Variants in NOXA1 observed in about 807,000 individuals in gnomAD.
NOXA1 encodes NADPH oxidase activator 1.
Under a neutral mutation model 64.8 loss-of-function variants are expected in NOXA1, and 56 were observed. That is an observed-to-expected ratio of 0.86 (90% confidence interval 0.70 to 1.08). The LOEUF is 1.08. Ranked by LOEUF, NOXA1 falls within the 50% of genes least tolerant of loss-of-function variation. NOXA1 has a pLI of 0.00. For synonymous variants in NOXA1, 295 were observed against 294.8 expected (o/e 1.00, Z -0.01); for missense variants, 668 against 658.5 (o/e 1.01, Z -0.16).
Position 137,433,788 on chromosome 9 carries a change from TC to T in NOXA1, c.1107del (p.Glu370ArgfsTer?), listed in dbSNP as rs1303790715. On this transcript the variant is annotated frameshift_variant, in exon 12 of 14. Coordinates refer to ENST00000683555, the MANE Select transcript of NOXA1 (RefSeq NM_001256067.2). LOFTEE classifies it high-confidence loss of function. ...APGEDGHWVP[I>X]PEEESLQRAW... ...GGTGAGGACGGGCACTGGGTCCCCA[TC>T]CCCGAGGAGGAGTCGCTGCAGAGGG... 4 of 1,454,128 alleles carry T rather than the reference TC, an allele frequency of 2.8e-6. No individual in the cohort carries two copies. In the African/African-American group the frequency reaches 4.3e-5, roughly 16 times the overall value. The allele number at this position is 1,454,128 out of a possible 1,614,324, so 90.1% of individuals were successfully genotyped here. A position where few individuals can be genotyped will look rare whatever the true frequency, so the allele number is the denominator to read the frequency against.
chr9:137,424,687 C>T (rs1050721666), intron 1 of NOXA1, among the ~76,000 whole-genome samples: 26 of 152,192 alleles, frequency 1.7e-4, no homozygotes, highest in African/African-American at 6.0e-4. Context: ...ATCCACCCTC[C>T]TCGGCCACCC....
rs1838847378 is a variant in NOXA1 at position 137,426,339 on chromosome 9, A to G, written c.260+9A>G. The G allele has an allele frequency of 6.2e-7, 1 of 1,612,906 alleles. No individual in the cohort carries two copies. Among genetic ancestry groups the G allele is most frequent in the Non-Finnish European group, 8.5e-7 (1 of 1,179,262 alleles). On this transcript the variant is annotated intron_variant, in intron 2 of 13. Transcript: ENST00000683555. Reference sequence around the variant, plus strand: ...AACTTCCAGCTGGCAAGGTGAGTACAGGGGTGCCTTGTTCCTTCTCTGACG... The same window carrying G: ...AACTTCCAGCTGGCAAGGTGAGTACGGGGGTGCCTTGTTCCTTCTCTGACG...
rs902217949 is a variant in NOXA1, at chr9:137,433,846, G to A, written c.1161G>A (p.Gly387=). Residue 387 remains glycine, a synonymous_variant, in exon 12 of 14, where the codon GGG becomes GGA. Coordinates refer to ENST00000683555, the MANE Select transcript of NOXA1 (RefSeq NM_001256067.2). ...AGGACGCAGCTGCCTGCCCCAGGGG[G>A]CTGCAGCTGCAGTGCAGGGTGAGCC... ...AWQDAAACPR[G]LQLQCRGAGG... is the part of the protein sequence containing the mutation. The A allele has an allele frequency of 6.9e-7, 1 of 1,451,022 alleles. No individual in the cohort carries two copies. Among genetic ancestry groups the A allele is most frequent in the African/African-American group, 1.4e-5 (1 of 69,744 alleles). The allele number at this position is 1,451,022 out of a possible 1,614,324, so 89.9% of individuals were successfully genotyped here. A position where few individuals can be genotyped will look rare whatever the true frequency, so the allele number is the denominator to read the frequency against.
chr9:137,432,621 G>A (rs890149178), intron 8 of NOXA1, among the ~76,000 whole-genome samples: 4 of 152,234 alleles, frequency 2.6e-5, no homozygotes, highest in African/African-American at 7.2e-5. Flanking sequence ...TCTAGCCAGC[G>A]CTGGGCTGTG....
Position 137,430,821 on chromosome 9 carries a change from G to GCGTC in NOXA1, c.653_656dup (p.Gln221ProfsTer12). On this transcript the variant is annotated frameshift_variant, in exon 6 of 14. Coordinates refer to ENST00000683555, the MANE Select transcript of NOXA1 (RefSeq NM_001256067.2). LOFTEE classifies it high-confidence loss of function. ...GCCATCCCCGACGACCAGGGCTGGG[G>GCGTC]CGTCCGCCCTCAGCAGCCACAGGTG... is the stretch of plus-strand genomic sequence containing the variant. The GCGTC allele has an allele frequency of 6.3e-7, 1 of 1,591,230 alleles. No individual in the cohort carries two copies. The highest frequency in any genetic ancestry group is 8.5e-7 in the Non-Finnish European group (1 of 1,172,778).
At chr9:137,429,975 CA>C (rs1416099923) in intron 5 of NOXA1, among the ~76,000 whole-genome samples, 1 of 121,582 alleles carries the variant, frequency 8.2e-6, no homozygotes, top group Non-Finnish European at 1.6e-5. Context: ...AGCGAGGTCC[CA>C]GGGGGGTGCC....
At chr9:137,424,084 C>G (rs1172910953) in intron 1 of NOXA1, among the ~76,000 whole-genome samples, 1 of 152,182 alleles carries the variant, frequency 6.6e-6, no homozygotes, top group Non-Finnish European at 1.5e-5. Flanking sequence ...CCGAAACAGC[C>G]AGGAGTCCAG....
Position 137,434,089 on chromosome 9 carries a change from G to A in NOXA1, c.1294+10G>A. On this transcript the variant is annotated intron_variant, in intron 13 of 13. Transcript: ENST00000683555. ...GACGTCCTGTGTGAAGGTAGGGTGG[G>A]CATGGCCCTTCCCAGGCAGCACCGT... 2 of 1,583,416 alleles carry A rather than the reference G, an allele frequency of 1.3e-6. No individual in the cohort carries two copies. The highest frequency in any genetic ancestry group is 2.3e-5 in the East Asian group (1 of 44,154).
intron 1 of NOXA1, among the ~76,000 whole-genome samples, chr9:137,425,874 A>G (rs908158355): frequency 1.3e-5 from 2 of 151,362 alleles, no homozygotes; most frequent in African/African-American, 4.8e-5. Context: ...CCCGTCTCAA[A>G]AAAAAAAAAA....
At chr9:137,426,210 T>A (rs769163398) in intron 1 of NOXA1, 38 bp from the exon 2 acceptor site, 2 of 1,575,204 alleles carry the variant, frequency 1.3e-6, no homozygotes, top group Non-Finnish European at 1.7e-6. Context: ...GTGACCAGGT[T>A]ACAGACCTTG....
chr9:137,433,714 C>T (rs771702146), intron 11 of NOXA1, 36 bp from the exon 12 acceptor site: 1 of 1,474,650 alleles, frequency 6.8e-7, no homozygotes, highest in Non-Finnish European at 9.1e-7. Flanking sequence ...CTGCAGGCCC[C>T]ACCCAGGAGG....
chr9:137,423,855 C>A, intron 1 of NOXA1, 149 bp downstream of exon 1: 2 of 660,694 alleles, frequency 3.0e-6, no homozygotes, highest in Non-Finnish European at 4.2e-6. Context: ...AGCAGGGGGG[C>A]CGCACCTGAG....
intron 4 of NOXA1, 33 bp downstream of exon 4, chr9:137,429,049 C>T (rs201540118): frequency 2.5e-5 from 38 of 1,504,984 alleles, no homozygotes; most frequent in Middle Eastern, 3.6e-4. Context: ...TGGTTTTGGG[C>T]TGGTGCCTAC....
chr9:137,432,296 A>C (rs78912367), intron 8 of NOXA1, among the ~76,000 whole-genome samples: 1 of 150,588 alleles, frequency 6.6e-6, no homozygotes, highest in Non-Finnish European at 1.5e-5. Flanking sequence ...AAAAAAAAAA[A>C]AAGCCAGGCG....
chr9:137,423,788 G>A (rs1374183506), intron 1 of NOXA1, 82 bp downstream of exon 1: 3 of 1,108,672 alleles, frequency 2.7e-6, no homozygotes, highest in Non-Finnish European at 3.4e-6. Flanking sequence ...CTCCCCGACC[G>A]TCACGGGGTC....
At position 137,431,272 on chromosome 9, in the gene NOXA1, C is replaced by T. The variant is rs1564240054; in HGVS notation, c.735C>T (p.His245=). 6.2e-7 allele frequency: 1 copy of T among 1,612,852 alleles called. No individual in the cohort carries two copies. The highest frequency in any genetic ancestry group is 2.2e-5 in the East Asian group (1 of 44,876). ...LIMDSPRAGT[H]QGPLDAETEV... ...TGGACTCCCCAAGAGCTGGCACCCA[C>T]CAGGGCCCCCTCGATGCAGAGACAG... Residue 245 remains histidine (H), a synonymous_variant, in exon 8 of 14, where the codon CAC becomes CAT. Coordinates refer to ENST00000683555, the MANE Select transcript of NOXA1 (RefSeq NM_001256067.2). The surrounding 1 kb of genome is among the most constrained non-coding windows in gnomAD (Gnocchi z 5.6).
Position 137,433,032 on chromosome 9 carries a change from C to G in NOXA1, c.808C>G (p.Pro270Ala), listed in dbSNP as rs567310387. Residue 270 changes from proline to alanine, a missense_variant, in exon 9 of 14, where the codon CCC (proline) becomes GCC (alanine). By Grantham distance (27) the Pro-to-Ala change is conservative. Transcript: ENST00000683555. ...CTSTAYQEQRPQVEQVGKQAP... is the reference protein window; with the variant it reads ...CTSTAYQEQRAQVEQVGKQAP... ...CCAGCCTGTGCTTCTCTTGCAGAGG[C>G]CCCAGGTGGAGCAAGTTGGCAAACA... 6 of 1,612,634 alleles carry G rather than the reference C, an allele frequency of 3.7e-6. No individual in the cohort carries two copies. In the East Asian group the frequency reaches 1.3e-4, roughly 36 times the overall value.
At chr9:137,426,401 C>T in intron 2 of NOXA1, 71 bp downstream of exon 2, 1 of 1,198,178 alleles carries the variant, frequency 8.3e-7, no homozygotes, top group Non-Finnish European at 1.2e-6. Flanking sequence ...TCCTGCACCT[C>T]CTCCTCCTCC....
At position 137,433,041 on chromosome 9, in the gene NOXA1, G is replaced by C. The variant is rs369944689; in HGVS notation, c.817G>C (p.Glu273Gln). The change falls in exon 9 of 14, where the codon GAG becomes CAG. Residue 273 changes from glutamate to glutamine, a missense_variant. Transcript: ENST00000683555. Reference protein sequence around the residue: ...TAYQEQRPQVEQVGKQAPLSP... With the variant: ...TAYQEQRPQVQQVGKQAPLSP... Reference sequence around the variant, plus strand: ...GCTTCTCTTGCAGAGGCCCCAGGTGGAGCAAGTTGGCAAACAGGCTCCTCT... The same window carrying C: ...GCTTCTCTTGCAGAGGCCCCAGGTGCAGCAAGTTGGCAAACAGGCTCCTCT... 2 of 1,612,666 alleles carry C rather than the reference G, an allele frequency of 1.2e-6. No individual in the cohort carries two copies. The highest frequency in any genetic ancestry group is 2.7e-5 in the African/African-American group (2 of 74,914).
Sources: allele counts gnomAD v4.1 joint callset (sites outside exome capture counted in the v4.1 genomes callset), GRCh38; gene constraint gnomAD v4.1.1; non-coding constraint Gnocchi (gnomAD v3.1); transcripts MANE v1.5; gene names NCBI Gene and HGNC (gene_info 2026-07-23, HGNC 2026-07-21).